Variants in PPP1R12A observed in about 807,000 individuals in gnomAD.
The protein encoded by PPP1R12A is myosin binding subunit.
In PPP1R12A, 19 loss-of-function variants were observed where a neutral mutation model predicts 139.6. The ratio of observed to expected loss-of-function variants is 0.14; its 90% CI spans 0.09 to 0.20. The LOEUF is 0.20. PPP1R12A is among the 10% of genes least tolerant of loss of function. The pLI, the probability that PPP1R12A is intolerant of heterozygous loss-of-function variation, is 1.00. For synonymous variants in PPP1R12A, 427 were observed against 420.6 expected (o/e 1.02, Z -0.19); for missense variants, 925 against 1,211.5 (o/e 0.76, Z 3.51).
chr12:79,899,236 ATATAT>A (rs1885413100), intron 1 of PPP1R12A, among the ~76,000 whole-genome samples: 5 of 3,618 alleles, frequency 1.4e-3, no homozygotes, highest in South Asian at 9.3e-3. Context: ...TCTTAAAAAT[ATATAT>A]ATATATATAT....
intron 1 of PPP1R12A, among the ~76,000 whole-genome samples, chr12:79,928,908 T>C (rs1888045670): frequency 6.6e-6 from 1 of 152,224 alleles, no homozygotes; most frequent in South Asian, 2.1e-4. Flanking sequence ...ATTAAACCTA[T>C]CTGTAAGTCT....
intron 8 of PPP1R12A, among the ~76,000 whole-genome samples, chr12:79,820,441 C>T (rs189787970): frequency 9.6e-4 from 146 of 152,230 alleles, no homozygotes; most frequent in African/African-American, 3.0e-3. Context: ...GCATCCTGGA[C>T]GTTTGGACCT....
Position 79,934,966 on chromosome 12 carries a change from G to A in PPP1R12A, c.-35C>T, listed in dbSNP as rs374779991. On this transcript the variant is annotated 5_prime_UTR_variant, in exon 1 of 25. Coordinates refer to ENST00000450142, the MANE Select transcript of PPP1R12A (RefSeq NM_002480.3). ...TGCCGCCGGGTCTTCTTATCGCGAGGGGGGGAAGGGGGAGGCGGAGAGGGA... is the reference window on the plus strand; with the variant it reads ...TGCCGCCGGGTCTTCTTATCGCGAGAGGGGGAAGGGGGAGGCGGAGAGGGA... 5.2e-6 allele frequency: 8 copies of A among 1,548,286 alleles called. No individual in the cohort carries two copies. Among genetic ancestry groups the A allele is most frequent in the Middle Eastern group, 1.7e-4 (1 of 5,936 alleles).
intron 24 of PPP1R12A, chr12:79,777,714 T>G (rs752091845): frequency 7.6e-5 from 67 of 880,528 alleles, no homozygotes; most frequent in Non-Finnish European, 8.7e-5. Flanking sequence ...AAGAGTATAA[T>G]AAGAATGTAA....
At chr12:79,820,736 C>CA in intron 8 of PPP1R12A, 38 bp downstream of exon 8, 1 of 1,599,026 alleles carries the variant, frequency 6.3e-7, no homozygotes, top group East Asian at 2.2e-5. Flanking sequence ...TACACTGCCA[C>CA]AAAATTCAAC....
intron 9 of PPP1R12A, among the ~76,000 whole-genome samples, chr12:79,815,906 C>T (rs1000578311): frequency 2.6e-5 from 4 of 152,110 alleles, no homozygotes; most frequent in African/African-American, 9.7e-5. Context: ...GAAACCAACA[C>T]GTTTCTACCA....
At chr12:79,841,080 G>C (rs941323865) in intron 3 of PPP1R12A, among the ~76,000 whole-genome samples, 3 of 150,690 alleles carry the variant, frequency 2.0e-5, no homozygotes, top group South Asian at 2.1e-4. Flanking sequence ...GAGAGAGAGA[G>C]AGAGACAAGG....
chr12:79,931,457 A>T (rs1343805211), intron 1 of PPP1R12A, among the ~76,000 whole-genome samples: 1 of 152,212 alleles, frequency 6.6e-6, no homozygotes, highest in East Asian at 1.9e-4. Flanking sequence ...CAGAGGAAAA[A>T]GAAAAGATTT....
intron 14 of PPP1R12A, 72 bp from the exon 15 acceptor site, chr12:79,798,656 A>G: frequency 3.6e-6 from 3 of 825,104 alleles, no homozygotes; most frequent in South Asian, 2.2e-5. Flanking sequence ...ATCAATGCAT[A>G]TGAATAAAAC....
chr12:79,921,993 G>A (rs1887473626), intron 1 of PPP1R12A, among the ~76,000 whole-genome samples: 1 of 152,216 alleles, frequency 6.6e-6, no homozygotes, highest in African/African-American at 2.4e-5. Context: ...GTGCATGGCT[G>A]TAATCCAAGC....
At chr12:79,926,359 T>C (rs1333829200) in intron 1 of PPP1R12A, among the ~76,000 whole-genome samples, 2 of 152,100 alleles carry the variant, frequency 1.3e-5, no homozygotes, top group Non-Finnish European at 2.9e-5. Context: ...CTAATTTTTA[T>C]TTTGTATTTT....
At chr12:79,851,774 T>C (rs1880069536) in intron 2 of PPP1R12A, among the ~76,000 whole-genome samples, 1 of 152,238 alleles carries the variant, frequency 6.6e-6, no homozygotes, top group African/African-American at 2.4e-5. Flanking sequence ...GCATAGATGT[T>C]TGCTCTTTTG....
At chr12:79,823,025 T>C (rs751878489) in intron 5 of PPP1R12A, among the ~76,000 whole-genome samples, 10 of 152,152 alleles carry the variant, frequency 6.6e-5, no homozygotes, top group Non-Finnish European at 1.3e-4. Flanking sequence ...TATATATGTT[T>C]AAGCTGTTTA....
In PPP1R12A at chr12:79,775,998, T is replaced by A; in HGVS notation, c.3024A>T (p.Lys1008Asn). 1.9e-6 allele frequency: 3 copies of A among 1,598,426 alleles called. No individual in the cohort carries two copies. The highest frequency in any genetic ancestry group is 1.7e-6 in the Non-Finnish European group (2 of 1,171,474). ...EEELKMLPDL[K>N]ADNQRLKDEN... ...CATCCTTTAGCCTCTGGTTGTCTGC[T>A]TTTAGGTCTGGTAACATCTATAAAG... is the stretch of plus-strand genomic sequence containing the variant. Residue 1008 changes from lysine to asparagine, a missense_variant, in exon 25 of 25, where the codon AAA becomes AAT. Physicochemically the swap from Lys to Asn is moderately conservative, Grantham distance 94. Transcript: ENST00000450142.
At chr12:79,898,097 T>C (rs935970960) in intron 1 of PPP1R12A, among the ~76,000 whole-genome samples, 3 of 152,166 alleles carry the variant, frequency 2.0e-5, no homozygotes, top group African/African-American at 7.2e-5. Context: ...TCTCTGACAT[T>C]TGCCTTAAGA....
At chr12:79,911,759 G>A (rs1886587709) in intron 1 of PPP1R12A, among the ~76,000 whole-genome samples, 1 of 151,652 alleles carries the variant, frequency 6.6e-6, no homozygotes, top group South Asian at 2.1e-4. Flanking sequence ...CTGAGAAAGA[G>A]CTCTTGCCTC....
chr12:79,869,850 CCA>C (rs1318979955), intron 2 of PPP1R12A, among the ~76,000 whole-genome samples: 1 of 151,736 alleles, frequency 6.6e-6, no homozygotes, highest in Non-Finnish European at 1.5e-5. Context: ...ACTTCAGTTA[CCA>C]CAGTGACCAT....
chr12:79,797,725 G>A (rs1406770227), intron 15 of PPP1R12A, among the ~76,000 whole-genome samples: 1 of 151,994 alleles, frequency 6.6e-6, no homozygotes, highest in African/African-American at 2.4e-5. Flanking sequence ...GTGTGTATAT[G>A]TATCTATATA....
Position 79,829,022 on chromosome 12 carries a change from T to G in PPP1R12A, c.648-558A>C, listed in dbSNP as rs539188748. On this transcript the variant is annotated intron_variant, in intron 4 of 24. Transcript: ENST00000450142. ...TAAGAACAAAACAAAGCAAAAAACA[T>G]ATTCCAAGGAGTCGGATCTATTTTT... is the stretch of plus-strand genomic sequence containing the variant. Among the ~76,000 whole-genome samples, 3 of 152,192 alleles carry G rather than the reference T, an allele frequency of 2.0e-5. No homozygotes were observed. The South Asian group carries it at 6.2e-4, about 32-fold the overall frequency.
Sources: gnomAD v4.1 joint callset for allele counts (sites outside exome capture counted in the v4.1 genomes callset) on GRCh38, gnomAD v4.1.1 for gene constraint, MANE v1.5 for transcripts, NCBI Gene and HGNC (gene_info 2026-07-23, HGNC 2026-07-21) for gene names.